Variants in COA8 observed in about 807,000 individuals in gnomAD.
COA8 encodes the protein cytochrome c oxidase assembly factor 8, also known as UPF0671 protein C14orf153.
Under a neutral mutation model 22.0 loss-of-function variants are expected in COA8, and 20 were observed. The ratio of observed to expected loss-of-function variants is 0.91; its 90% CI spans 0.64 to 1.32. COA8 has a LOEUF of 1.32. Ranked by LOEUF, COA8 falls within the 40% of genes most tolerant of loss-of-function variation. The pLI is 0.00. For synonymous variants in COA8, 105 were observed against 79.9 expected, an observed-to-expected ratio of 1.31 and a Z score of -1.68; for missense variants, 266 against 230.0, an observed-to-expected ratio of 1.16 and a Z score of -1.01.
At position 103,582,737 on chromosome 14, in the gene COA8, C is replaced by CTTTTTTTTT. The variant is rs61102383; in HGVS notation, c.386-4529_386-4521dup. ...TCACATACCATAAAATTCACCCTGC[C>CTTTTTTTTT]TTTTTTTTTTTTTTTTGAGATGGAG... is the stretch of plus-strand genomic sequence containing the variant. On this transcript the variant is annotated intron_variant, in intron 3 of 4. Coordinates refer to ENST00000409074, the MANE Select transcript of COA8 (RefSeq NM_001370595.2). 1.4e-3 allele frequency among the ~76,000 whole-genome samples: 174 copies of CTTTTTTTTT among 120,908 alleles called. 10 individuals are homozygous for CTTTTTTTTT. The highest frequency in any genetic ancestry group is 5.3e-3 in the African/African-American group (156 of 29,636). The allele number at this position is 120,908 out of a possible 152,430, so 79.3% of individuals were successfully genotyped here.
chr14:103,582,514 T>C (rs997115061), intron 3 of COA8, among the ~76,000 whole-genome samples: 1 of 152,134 alleles, frequency 6.6e-6, no homozygotes, highest in African/African-American at 2.4e-5. Context: ...GTCCCAGGAA[T>C]GGGCAGGCTG....
intron 1 of COA8, chr14:103,563,430 T>G: frequency 5.8e-6 from 3 of 516,744 alleles, no homozygotes; most frequent in South Asian, 1.9e-5. Flanking sequence ...TTTTTTATTT[T>G]TAAAGAGCTC....
chr14:103,579,370 G>T, intron 3 of COA8: 1 of 229,210 alleles, frequency 4.4e-6, no homozygotes. Flanking sequence ...TTTCTTTTTA[G>T]ATGGAGTCTC....
chr14:103,579,829 G>A lies in COA8; in HGVS notation c.385+5659G>A, dbSNP rs183148827. Among the ~76,000 whole-genome samples the A allele has an allele frequency of 6.1e-3, 926 of 151,364 alleles. 15 individuals are homozygous for A. Among genetic ancestry groups the A allele is most frequent in the African/African-American group, 0.02 (840 of 41,420 alleles). The stretch of plus-strand genomic sequence containing the variant: ...GACACAAAACTTAGCTGGACGTGGT[G>A]GCGTATGCCTGTAATCCCAGCTACT... On this transcript the variant is annotated intron_variant, in intron 3 of 4. Coordinates refer to ENST00000409074, the MANE Select transcript of COA8 (RefSeq NM_001370595.2).
At chr14:103,575,276 C>T (rs187047487) in intron 3 of COA8, among the ~76,000 whole-genome samples, 5 of 152,376 alleles carry the variant, frequency 3.3e-5, no homozygotes, top group African/African-American at 1.2e-4. Flanking sequence ...GACAGCCACT[C>T]TCCTAACAGA....
chr14:103,563,258 A>C, intron 1 of COA8, 134 bp downstream of exon 1: 1 of 1,224,244 alleles, frequency 8.2e-7, no homozygotes. Flanking sequence ...CCTATCCCGA[A>C]CAGTCCCGCA....
intron 4 of COA8, among the ~76,000 whole-genome samples, chr14:103,589,377 G>C (rs529900071): frequency 5.9e-5 from 9 of 152,118 alleles, no homozygotes; most frequent in Non-Finnish European, 1.2e-4. Context: ...GGAACTTTCT[G>C]TCCTGCCATG....
At chr14:103,580,498 T>G (rs570059044) in intron 3 of COA8, among the ~76,000 whole-genome samples, 147 of 150,844 alleles carry the variant, frequency 9.7e-4, no homozygotes, top group Middle Eastern at 6.8e-3. Flanking sequence ...TTTTTTGTGG[T>G]TTTTTTTGTT....
chr14:103,565,177 C>G (rs2076127125), intron 1 of COA8, among the ~76,000 whole-genome samples: 1 of 150,998 alleles, frequency 6.6e-6, no homozygotes, highest in Non-Finnish European at 1.5e-5. Context: ...CCAGGCAGGT[C>G]TCGAACTCCT....
chr14:103,563,202 C>G, intron 1 of COA8, 78 bp downstream of exon 1: 1 of 1,505,870 alleles, frequency 6.6e-7, no homozygotes, highest in South Asian at 1.2e-5. Context: ...GGGCCACTCC[C>G]TGTTCTGCAC....
intron 1 of COA8, among the ~76,000 whole-genome samples, chr14:103,565,776 C>T (rs149911905): frequency 2.0e-4 from 31 of 151,982 alleles, no homozygotes; most frequent in African/African-American, 5.3e-4. Flanking sequence ...CCACCATGCC[C>T]GGCTAATTTT....
intron 1 of COA8, 150 bp from the exon 2 acceptor site, chr14:103,571,473 C>A: frequency 1.4e-6 from 1 of 731,630 alleles, no homozygotes; most frequent in African/African-American, 1.8e-5. Context: ...ACTTGTAATC[C>A]CAGCACTTTG....
At chr14:103,588,791 G>A (rs1464470145) in intron 4 of COA8, among the ~76,000 whole-genome samples, 2 of 152,212 alleles carry the variant, frequency 1.3e-5, no homozygotes, top group African/African-American at 2.4e-5. Context: ...GCAGTGAGCC[G>A]AGATCCCGCT....
chr14:103,590,427 A>C lies in COA8; in HGVS notation c.*141A>C, dbSNP rs2076342870. 1 of 730,702 alleles carries C rather than the reference A, an allele frequency of 1.4e-6. No homozygotes were observed. The highest frequency in any genetic ancestry group is 2.7e-5 in the East Asian group (1 of 36,496). The allele number at this position is 730,702 out of a possible 1,614,324, so 45.3% of individuals were successfully genotyped here. Reference sequence around the variant, plus strand: ...GGGGCCCCATGGCCTGTTTGGGGGCAGGGTAGGTCCTGGGGCACTGTGGGC... The same window carrying C: ...GGGGCCCCATGGCCTGTTTGGGGGCCGGGTAGGTCCTGGGGCACTGTGGGC... On this transcript the variant is annotated 3_prime_UTR_variant, in exon 5 of 5. Transcript: ENST00000409074.
In COA8 at chr14:103,563,110, A is replaced by G. The variant is rs2076100133; in HGVS notation, c.109A>G (p.Thr37Ala). The change falls in exon 1 of 5, where the codon ACG (threonine) becomes GCG (alanine). Residue 37 changes from threonine (T) to alanine (A), a missense_variant. Coordinates refer to ENST00000409074, the MANE Select transcript of COA8 (RefSeq NM_001370595.2). ...GGAGCGCGGCGCCGAGCGCAGGGAT[A>G]CGGCGCCCAGCGGGGTAAGCAGGGG... ...APERGAERRD[T>A]APSGVSRFCP... The G allele has an allele frequency of 1.9e-6, 3 of 1,540,160 alleles. No homozygotes were observed. The highest frequency in any genetic ancestry group is 2.6e-6 in the Non-Finnish European group (3 of 1,148,098).
intron 1 of COA8, among the ~76,000 whole-genome samples, chr14:103,564,420 C>T (rs951847566): frequency 6.6e-6 from 1 of 152,092 alleles, no homozygotes; most frequent in African/African-American, 2.4e-5. Context: ...AAAGATAGAG[C>T]AGGTGTCTGA....
intron 2 of COA8, among the ~76,000 whole-genome samples, chr14:103,573,752 C>A (rs2076206474): frequency 6.6e-6 from 1 of 151,990 alleles, no homozygotes; most frequent in South Asian, 2.1e-4. Context: ...GGGGTTTCTC[C>A]ATGTTGGCCA....
Position 103,572,988 on chromosome 14 carries a change from G to A in COA8, c.322-1119G>A, listed in dbSNP as rs759945226. Among the ~76,000 whole-genome samples the A allele has an allele frequency of 5.3e-5, 8 of 151,666 alleles. No individual in the cohort carries two copies. The East Asian group carries it at 5.9e-4, about 11-fold the overall frequency. On this transcript the variant is annotated intron_variant, in intron 2 of 4. Coordinates refer to ENST00000409074, the MANE Select transcript of COA8 (RefSeq NM_001370595.2). ...AGTGGAGATGGGATTTCACTCTGTT[G>A]GCCAGGATGGTCTTGATCTCCTGAC...
chr14:103,568,454 T>C (rs577463276), intron 1 of COA8, among the ~76,000 whole-genome samples: 78 of 151,232 alleles, frequency 5.2e-4, no homozygotes, highest in African/African-American at 1.7e-3. Context: ...TACACACACA[T>C]ACATACATAC....
Sources: gnomAD v4.1 joint callset for allele counts (sites outside exome capture counted in the v4.1 genomes callset) on GRCh38, gnomAD v4.1.1 for gene constraint, MANE v1.5 for transcripts, NCBI Gene and HGNC (gene_info 2026-07-23, HGNC 2026-07-21) for gene names.